Variants in DCBLD1 observed in about 807,000 individuals in gnomAD.
The protein encoded by DCBLD1 is discoidin, CUB and LCCL domain containing 1.
A neutral mutation model predicts 71.5 loss-of-function variants in DCBLD1; 57 were observed. That is an observed-to-expected ratio of 0.80 (90% CI 0.64 to 0.99). The LOEUF (loss-of-function observed/expected upper bound fraction) is 0.99, where lower values mean the gene tolerates loss of function less well. Ranked by LOEUF, DCBLD1 falls within the 50% of genes least tolerant of loss-of-function variation. The pLI is 0.00. For missense variants in DCBLD1, 891 were observed against 923.5 expected (o/e 0.96, Z 0.46); for synonymous variants, 380 against 363.8 (o/e 1.04, Z -0.51).
chr6:117,517,158 A>G (rs550036725), intron 2 of DCBLD1, among the ~76,000 whole-genome samples: 2 of 152,154 alleles, frequency 1.3e-5, no homozygotes, highest in African/African-American at 4.8e-5. Context: ...ATTACTTCCT[A>G]GATACAATGT....
intron 2 of DCBLD1, among the ~76,000 whole-genome samples, chr6:117,507,729 T>C (rs568437700): frequency 6.6e-6 from 1 of 152,308 alleles, no homozygotes; most frequent in East Asian, 1.9e-4. Context: ...CCTTCATCTT[T>C]TGAGAATACT....
Position 117,521,587 on chromosome 6 carries a change from G to A in DCBLD1, c.512+11G>A. 1.3e-6 allele frequency: 2 copies of A among 1,557,518 alleles called. No individual in the cohort carries two copies. The highest frequency in any genetic ancestry group is 8.6e-7 in the Non-Finnish European group (1 of 1,160,572). ...GAAGACAGAATACAGGTAAGTATAG[G>A]TATCCTAACTGTGTTGCAGTCGTGT... On this transcript the variant is annotated intron_variant, in intron 4 of 14. Transcript: ENST00000338728.
chr6:117,528,213 G>A lies in DCBLD1; in HGVS notation c.585+2779G>A, dbSNP rs530798761. Reference sequence around the variant, plus strand: ...ATCTCTGGGTAATGACAATATGAGTGATTTTTTTTCATTATTTCCAGCATT... The same window carrying A: ...ATCTCTGGGTAATGACAATATGAGTAATTTTTTTTCATTATTTCCAGCATT... On this transcript the variant is annotated intron_variant, in intron 5 of 14. Transcript: ENST00000338728. Among the ~76,000 whole-genome samples, 5 of 152,252 alleles carry A rather than the reference G, an allele frequency of 3.3e-5. No individual in the cohort carries two copies. In the South Asian group the frequency reaches 1.0e-3, roughly 32 times the overall value.
intron 2 of DCBLD1, among the ~76,000 whole-genome samples, chr6:117,518,751 C>T (rs74799073): frequency 8.8e-4 from 134 of 152,238 alleles, no homozygotes; most frequent in Middle Eastern, 3.4e-3. Context: ...GAGAACAGCA[C>T]GGGAAACACC....
In DCBLD1 at chr6:117,566,789, C is replaced by G. The variant is rs1264451049; in HGVS notation, c.1616-2831C>G. The stretch of plus-strand genomic sequence containing the variant: ...CAGTTTTACTGAAGAAATTCTGAGG[C>G]CTTCACATTTTAAACATTTAATAAT... On this transcript the variant is annotated intron_variant, in intron 14 of 14. Coordinates refer to the DCBLD1 transcript ENST00000296955. 3.0e-6 allele frequency: 3 copies of G among 1,006,384 alleles called. No individual in the cohort carries two copies. The Admixed American group carries it at 9.3e-5, about 31-fold the overall frequency. The allele number at this position is 1,006,384 out of a possible 1,614,324, so 62.3% of individuals were successfully genotyped here.
At chr6:117,493,516 A>T (rs1266937369) in intron 1 of DCBLD1, among the ~76,000 whole-genome samples, 2 of 152,212 alleles carry the variant, frequency 1.3e-5, no homozygotes, top group African/African-American at 4.8e-5. Context: ...TTACAAAAAA[A>T]CTCCTAATTA....
rs1039868875 is a variant in DCBLD1 at position 117,482,817 on chromosome 6, G to C, written c.36G>C (p.Ala12=). ...VPGARGGGAL[A]RAAGRGLLAL... ...GCGCCCGCGGCGGCGGCGCACTGGC[G>C]CGGGCTGCCGGGCGGGGCCTCCTGG... The change falls in exon 1 of 15, where the codon GCG becomes GCC. Residue 12 remains alanine (A), a synonymous_variant. Coordinates refer to ENST00000338728, the MANE Select transcript of DCBLD1 (RefSeq NM_001366458.2). 8.7e-5 allele frequency: 101 copies of C among 1,163,570 alleles called. No homozygotes were observed. Among genetic ancestry groups the C allele is most frequent in the African/African-American group, 6.5e-5 (4 of 61,706 alleles). 72.1% of individuals were successfully genotyped at this position (1,163,570 alleles called of 1,614,324 possible).
intron 14 of DCBLD1, among the ~76,000 whole-genome samples, chr6:117,547,220 T>C (rs1583035216): frequency 6.6e-6 from 1 of 152,204 alleles, no homozygotes; most frequent in South Asian, 2.1e-4. Flanking sequence ...TTTTCCATGC[T>C]CTAACGCGTG....
chr6:117,530,740 T>C (rs1778689325), intron 5 of DCBLD1, among the ~76,000 whole-genome samples: 1 of 152,228 alleles, frequency 6.6e-6, no homozygotes, highest in East Asian at 1.9e-4. Flanking sequence ...CTGGCTCCTC[T>C]GTTTTGTTTG....
chr6:117,537,289 C>A, intron 7 of DCBLD1, 64 bp downstream of exon 7: 1 of 1,506,738 alleles, frequency 6.6e-7, no homozygotes, highest in East Asian at 2.3e-5. Flanking sequence ...AATCCCAGCA[C>A]TTTGGGAGGC....
intron 1 of DCBLD1, among the ~76,000 whole-genome samples, chr6:117,492,851 C>T (rs79400398): frequency 0.031 from 4,654 of 152,190 alleles, 85 homozygotes; most frequent in Non-Finnish European, 0.038. Context: ...TTGCTTGTTC[C>T]GTGGATATGG....
intron 12 of DCBLD1, among the ~76,000 whole-genome samples, chr6:117,543,721 A>G (rs1315262496): frequency 6.6e-6 from 1 of 152,154 alleles, no homozygotes; most frequent in Non-Finnish European, 1.5e-5. Context: ...TTAACCTTTG[A>G]GTATTGTTGA....
rs1183858323 is a variant in DCBLD1 at position 117,543,131 on chromosome 6, C to T, written c.1365C>T (p.Asn455=). Residue 455 remains asparagine (N), a synonymous_variant, in exon 12 of 15, where the codon AAC becomes AAT. Coordinates refer to ENST00000338728, the MANE Select transcript of DCBLD1 (RefSeq NM_001366458.2). ...IPSEETSTGI[N]ITTVAIPLVL... is the part of the protein sequence containing the mutation. ...GCTTTCCGTCTTCTTTAGGAATAAA[C>T]ATTACAACGGTGGCTATTCCATTGG... The T allele has an allele frequency of 6.2e-7, 1 of 1,613,828 alleles. No homozygotes were observed. Among genetic ancestry groups the T allele is most frequent in the African/African-American group, 1.3e-5 (1 of 74,896 alleles).
chr6:117,528,769 ACTAATTAAAACCATTTG>A (rs1476071057), intron 5 of DCBLD1, among the ~76,000 whole-genome samples: 1 of 152,230 alleles, frequency 6.6e-6, no homozygotes, highest in Non-Finnish European at 1.5e-5. Flanking sequence ...AAGATAATTT[ACTAATTAAAACCATTTG>A]TCAGGGATAG....
intron 14 of DCBLD1, among the ~76,000 whole-genome samples, chr6:117,556,104 T>G (rs1026945257): frequency 2.6e-5 from 4 of 152,242 alleles, no homozygotes; most frequent in African/African-American, 9.6e-5. Context: ...TGCTGGCAAT[T>G]TACCAAATTG....
Position 117,549,246 on chromosome 6 carries a change from C to T in DCBLD1, c.*807C>T. On this transcript the variant is annotated 3_prime_UTR_variant, in exon 15 of 15. Coordinates refer to ENST00000338728, the MANE Select transcript of DCBLD1 (RefSeq NM_001366458.2). ...CTCAGATTAAAAATATTGCTGAGGT[C>T]AGACGCCACAATTTTCATGACTTTC... 1.0e-6 allele frequency: 1 copy of T among 985,380 alleles called. No individual in the cohort carries two copies. The highest frequency in any genetic ancestry group is 1.2e-6 in the Non-Finnish European group (1 of 829,916). The allele number at this position is 985,380 out of a possible 1,614,324, so 61.0% of individuals were successfully genotyped here. A position where few individuals can be genotyped will look rare whatever the true frequency, so the allele number is the denominator to read the frequency against.
At chr6:117,547,603 T>G (rs199796763) in intron 14 of DCBLD1, 251 of 654,866 alleles carry the variant, frequency 3.8e-4, no homozygotes, top group Non-Finnish European at 5.5e-4. Flanking sequence ...CCTCCATAGC[T>G]TCTCCAGAGC....
At chr6:117,556,163 A>G (rs895662368) in intron 14 of DCBLD1, among the ~76,000 whole-genome samples, 3 of 152,174 alleles carry the variant, frequency 2.0e-5, no homozygotes, top group Non-Finnish European at 2.9e-5. Flanking sequence ...GTGTCGGCCT[A>G]TATTTTATCT....
chr6:117,489,884 C>CA (rs908430478), intron 1 of DCBLD1, among the ~76,000 whole-genome samples: 12 of 150,890 alleles, frequency 8.0e-5, no homozygotes, highest in South Asian at 2.1e-4. Context: ...GACTCCGTCT[C>CA]AAAAAAAAAG....
Sources: gnomAD v4.1 joint callset for allele counts (sites outside exome capture counted in the v4.1 genomes callset) on GRCh38, gnomAD v4.1.1 for gene constraint, MANE v1.5 for transcripts, NCBI Gene and HGNC (gene_info 2026-07-23, HGNC 2026-07-21) for gene names.